Variants in KLF13 observed in about 807,000 individuals in gnomAD.
The protein encoded by KLF13 is Krueppel-like factor 13.
Under a neutral mutation model 16.7 loss-of-function variants are expected in KLF13, and 8 were observed. The ratio of observed to expected loss-of-function variants is 0.48; its 90% CI spans 0.28 to 0.87. The LOEUF (loss-of-function observed/expected upper bound fraction) is 0.87, where lower values mean the gene tolerates loss of function less well. Among genes scored for constraint, KLF13 ranks in the 40% least tolerant of loss-of-function variants. The pLI is 0.10. For missense variants in KLF13, 447 were observed against 452.2 expected, an observed-to-expected ratio of 0.99 and a Z score of 0.10; for synonymous variants, 245 against 208.4, an observed-to-expected ratio of 1.18 and a Z score of -1.51.
At position 31,338,828 on chromosome 15, in the gene KLF13, TC is replaced by T. The variant is rs1296851795; in HGVS notation, c.577+11041del. On this transcript the variant is annotated intron_variant, in intron 1 of 1. Transcript: ENST00000307145. Reference sequence around the variant, plus strand: ...GGTTCAGTCTGGCCCCATTCTCACTTCCTCTACTCCCCCTTGTACTGTGGGA... The same window carrying T: ...GGTTCAGTCTGGCCCCATTCTCACTTCTCTACTCCCCCTTGTACTGTGGGA... 4.6e-5 allele frequency among the ~76,000 whole-genome samples: 7 copies of T among 152,104 alleles called. No individual in the cohort carries two copies. The East Asian group carries it at 1.4e-3, about 29-fold the overall frequency.
intron 1 of KLF13, among the ~76,000 whole-genome samples, chr15:31,434,015 C>T (rs528014043): frequency 2.8e-4 from 42 of 152,142 alleles, no homozygotes; most frequent in South Asian, 1.5e-3. Context: ...CTTTTTAGAA[C>T]TAAGAGAAGA....
At chr15:31,393,154 C>G (rs1440592491) in exon 1 of KLF13, 1 of 152,450 alleles carries the variant, frequency 6.6e-6, no homozygotes, top group Non-Finnish European at 1.5e-5. Flanking sequence ...TCCCACCCCA[C>G]CTGGCACCTG....
At chr15:31,431,715 C>T (rs920655099) in intron 1 of KLF13, among the ~76,000 whole-genome samples, 1 of 152,216 alleles carries the variant, frequency 6.6e-6, no homozygotes, top group Non-Finnish European at 1.5e-5. Flanking sequence ...CCTCCCGCCT[C>T]GGCCTCCCAA....
At chr15:31,328,070 G>C (rs1237787110) in intron 1 of KLF13, among the ~76,000 whole-genome samples, 1 of 143,954 alleles carries the variant, frequency 6.9e-6, no homozygotes, top group African/African-American at 2.6e-5. Context: ...GGCGGATATA[G>C]TCATCTGGGC....
At chr15:31,330,128 G>T (rs112438674) in intron 1 of KLF13, among the ~76,000 whole-genome samples, 4 of 152,194 alleles carry the variant, frequency 2.6e-5, no homozygotes, top group African/African-American at 9.7e-5. Context: ...GGAGCTTGCT[G>T]TTGGGGGAGA....
chr15:31,366,115 C>T (rs2039466685), intron 1 of KLF13: 2 of 149,806 alleles, frequency 1.3e-5, no homozygotes, highest in African/African-American at 4.9e-5. Context: ...CCACCCCACT[C>T]TCCCCGCAAC....
intron 1 of KLF13, chr15:31,340,043 G>T (rs748590214): frequency 1.4e-6 from 1 of 702,388 alleles, no homozygotes; most frequent in Non-Finnish European, 2.6e-6. Context: ...GCTGACCCAG[G>T]TTGCCCTGGT....
At chr15:31,328,226 C>A (rs1275436664) in intron 1 of KLF13, among the ~76,000 whole-genome samples, 1 of 151,204 alleles carries the variant, frequency 6.6e-6, no homozygotes, top group East Asian at 2.0e-4. Context: ...TTTCCTCCCC[C>A]GCTGCCCGGG....
chr15:31,394,414 G>A (rs1476282700), intron 2 of KLF13, among the ~76,000 whole-genome samples: 2 of 152,084 alleles, frequency 1.3e-5, no homozygotes, highest in African/African-American at 4.8e-5. Flanking sequence ...CTGAACCCGG[G>A]AGGCGGAGCT....
At chr15:31,389,213 TTC>T (rs1208919667), upstream of KLF13, among the ~76,000 whole-genome samples, 1 of 152,202 alleles carries the variant, frequency 6.6e-6, no homozygotes, top group African/African-American at 2.4e-5. Flanking sequence ...ACTAAATATA[TTC>T]TTTCTTATAA....
At chr15:31,411,282 T>C (rs1009585317) in intron 1 of KLF13, among the ~76,000 whole-genome samples, 1 of 152,212 alleles carries the variant, frequency 6.6e-6, no homozygotes, top group African/African-American at 2.4e-5. Flanking sequence ...TTTCAGTTGA[T>C]GCTGCTATAA....
At chr15:31,402,875 A>AG (rs1480362760) in intron 2 of KLF13, among the ~76,000 whole-genome samples, 47 of 27,934 alleles carry the variant, frequency 1.7e-3, no homozygotes, top group Non-Finnish European at 5.5e-3. Context: ...AAAAAAAAAC[A>AG]ACTTTTAAGT....
chr15:31,384,362 G>A (rs1372878732), intron 1 of KLF13, among the ~76,000 whole-genome samples: 1 of 151,784 alleles, frequency 6.6e-6, no homozygotes, highest in African/African-American at 2.4e-5. Flanking sequence ...AACCCTGGAG[G>A]TGGAGGTTGC....
intron 1 of KLF13, among the ~76,000 whole-genome samples, chr15:31,422,879 C>CA (rs915382140): frequency 2.0e-5 from 3 of 150,920 alleles, no homozygotes; most frequent in East Asian, 2.0e-4. Flanking sequence ...TACAAAAATA[C>CA]AAAAAAAATT....
At chr15:31,410,621 A>C (rs58861738) in intron 1 of KLF13, among the ~76,000 whole-genome samples, 3,589 of 144,806 alleles carry the variant, frequency 0.025, 158 homozygotes, top group African/African-American at 0.089. Context: ...ACACACACAC[A>C]CACACCCCTA....
intron 1 of KLF13, among the ~76,000 whole-genome samples, chr15:31,351,425 C>T (rs1311538011): frequency 6.6e-6 from 1 of 151,930 alleles, no homozygotes; most frequent in African/African-American, 2.4e-5. Context: ...CTTTAACATC[C>T]TGTTAGGCTC....
chr15:31,418,146 T>G (rs764985326), intron 1 of KLF13, among the ~76,000 whole-genome samples: 2 of 151,266 alleles, frequency 1.3e-5, no homozygotes, highest in Non-Finnish European at 2.9e-5. Flanking sequence ...AATTAAAAAT[T>G]TACACTTAAT....
chr15:31,419,950 A>G (rs956474425), intron 1 of KLF13, among the ~76,000 whole-genome samples: 3 of 152,204 alleles, frequency 2.0e-5, no homozygotes, highest in Non-Finnish European at 2.9e-5. Flanking sequence ...GAGAAAAGCC[A>G]CTTGTATGTA....
intron 2 of KLF13, among the ~76,000 whole-genome samples, chr15:31,396,055 C>T (rs1415830933): frequency 1.3e-5 from 2 of 152,068 alleles, no homozygotes; most frequent in Non-Finnish European, 2.9e-5. Context: ...GACGGAGTTT[C>T]GCTCTTGTTT....
Sources: allele counts gnomAD v4.1 joint callset (sites outside exome capture counted in the v4.1 genomes callset), GRCh38; gene constraint gnomAD v4.1.1; transcripts MANE v1.5; gene names NCBI Gene and HGNC (gene_info 2026-07-23, HGNC 2026-07-21).